Variants in RBM45 observed in about 807,000 individuals in gnomAD.
RBM45 encodes the protein RNA binding motif protein 45, also known as RNA-binding protein 45.
A neutral mutation model predicts 58.5 loss-of-function variants in RBM45; 39 were observed. The observed-to-expected ratio is 0.67, with a 90% confidence interval of 0.52 to 0.87. The LOEUF is 0.87. Among genes scored for constraint, RBM45 ranks in the 40% least tolerant of loss-of-function variants. The pLI is 0.00. For missense variants in RBM45, 481 were observed against 581.6 expected (o/e 0.83, Z 1.78); for synonymous variants, 193 against 203.0 (o/e 0.95, Z 0.42).
In RBM45 at chr2:178,138,915, A is replaced by G. The variant is rs1220831449; in HGVS notation, c.*2461A>G. ...AAATCCTTCTCTTTTGTAAAGAAAT[A>G]TTAAAATTCATTCTTTTTTTACTTT... On this transcript the variant is annotated 3_prime_UTR_variant, in exon 4 of 4. Transcript: ENST00000455903. The G allele has an allele frequency of 2.6e-5, 4 of 152,020 alleles. No homozygotes were observed. In the East Asian group the frequency reaches 7.7e-4, roughly 29 times the overall value. 9.4% of individuals were successfully genotyped at this position (152,020 alleles called of 1,614,324 possible). A position where few individuals can be genotyped will look rare whatever the true frequency, so the allele number is the denominator to read the frequency against.
intron 9 of RBM45, among the ~76,000 whole-genome samples, chr2:178,126,591 T>C (rs76932010): frequency 0.083 from 12,710 of 152,254 alleles, 655 homozygotes; most frequent in Middle Eastern, 0.12. Context: ...AACAGTCGTT[T>C]ATAAAGATAA....
At chr2:178,127,745 G>C (rs2087951807) in intron 9 of RBM45, among the ~76,000 whole-genome samples, 1 of 151,988 alleles carries the variant, frequency 6.6e-6, no homozygotes, top group Non-Finnish European at 1.5e-5. Context: ...CTATTCTCTA[G>C]CATGCAAAAA....
chr2:178,120,256 G>A (rs1185324536), intron 3 of RBM45, 31 bp from the exon 4 acceptor site: 2 of 1,611,140 alleles, frequency 1.2e-6, no homozygotes, highest in African/African-American at 1.3e-5. Context: ...TAAATTTGCT[G>A]TGAAACTTGA....
At chr2:178,134,205 T>C (rs1463803062), downstream of RBM45, among the ~76,000 whole-genome samples, 1 of 152,196 alleles carries the variant, frequency 6.6e-6, no homozygotes, top group Non-Finnish European at 1.5e-5. Flanking sequence ...AGAAACTGCC[T>C]GTCTGACCAA....
At chr2:178,117,102 T>C (rs1379174273) in intron 2 of RBM45, among the ~76,000 whole-genome samples, 1 of 152,174 alleles carries the variant, frequency 6.6e-6, no homozygotes, top group Non-Finnish European at 1.5e-5. Flanking sequence ...TAGTTTTTTA[T>C]CTTTTTTCTA....
chr2:178,134,970 G>A (rs1195212442), intron 3 of RBM45, among the ~76,000 whole-genome samples: 1 of 152,186 alleles, frequency 6.6e-6, no homozygotes, highest in Non-Finnish European at 1.5e-5. Context: ...TTTCGCCACT[G>A]CACTCCAGCC....
In RBM45 at chr2:178,129,487, T is replaced by A. The variant is rs1308164243; in HGVS notation, c.*99T>A. On this transcript the variant is annotated 3_prime_UTR_variant, in exon 10 of 10. Transcript: ENST00000286070. The stretch of plus-strand genomic sequence containing the variant: ...TGTGGACAGTTGACAGCTTTTTTTT[T>A]TTCCATATACCTGATAGTCTGTGTA... 1 of 152,640 alleles carries A rather than the reference T, an allele frequency of 6.6e-6. No individual in the cohort carries two copies. The highest frequency in any genetic ancestry group is 1.5e-5 in the Non-Finnish European group (1 of 68,026). The allele number at this position is 152,640 out of a possible 1,614,324, so 9.5% of individuals were successfully genotyped here. A position where few individuals can be genotyped will look rare whatever the true frequency, so the allele number is the denominator to read the frequency against.
chr2:178,120,011 C>T (rs1023371765), intron 3 of RBM45, among the ~76,000 whole-genome samples: 4 of 152,110 alleles, frequency 2.6e-5, no homozygotes, highest in East Asian at 1.9e-4. Context: ...GAATGAATGA[C>T]GATGTTATCT....
intron 1 of RBM45, 64 bp downstream of exon 1, chr2:178,112,910 C>T (rs2087724196): frequency 6.6e-7 from 1 of 1,510,126 alleles, no homozygotes; most frequent in Non-Finnish European, 9.0e-7. Flanking sequence ...CTCCCTTCAC[C>T]TGCTGCTCTG....
rs1336042405 is a variant in RBM45 at position 178,123,461 on chromosome 2, A to G, written c.854-61A>G. On this transcript the variant is annotated intron_variant, in intron 5 of 9. Coordinates refer to ENST00000286070, the MANE Select transcript of RBM45 (RefSeq NM_152945.4). Reference sequence around the variant, plus strand: ...GGTTTCATTTTTGTGATAGATTGTAACATAGGCCTTAGGCACTCAGTCTGC... The same window carrying G: ...GGTTTCATTTTTGTGATAGATTGTAGCATAGGCCTTAGGCACTCAGTCTGC... 5.4e-6 allele frequency: 8 copies of G among 1,493,360 alleles called. No homozygotes were observed. In the South Asian group the frequency reaches 9.9e-5, roughly 18 times the overall value. The allele number at this position is 1,493,360 out of a possible 1,614,324, so 92.5% of individuals were successfully genotyped here.
chr2:178,112,769 C>T lies in RBM45; in HGVS notation c.223C>T (p.Arg75Cys), dbSNP rs2087721135. 4 of 1,614,016 alleles carry T rather than the reference C, an allele frequency of 2.5e-6. No individual in the cohort carries two copies. Among genetic ancestry groups the T allele is most frequent in the Non-Finnish European group, 3.4e-6 (4 of 1,180,030 alleles). The part of the protein sequence containing the change: ...SKGIAFVKFA[R>C]SSQACRAMEE... Reference sequence around the variant, plus strand: ...GGGCATTGCTTTCGTCAAGTTCGCCCGCAGCTCACAGGCCTGCAGGGCCAT... The same window carrying T: ...GGGCATTGCTTTCGTCAAGTTCGCCTGCAGCTCACAGGCCTGCAGGGCCAT... Residue 75 changes from arginine to cysteine, a missense_variant, in exon 1 of 10, where the codon CGC becomes TGC. By Grantham distance (180) the Arg-to-Cys change is radical. Coordinates refer to ENST00000286070, the MANE Select transcript of RBM45 (RefSeq NM_152945.4).
intron 9 of RBM45, 118 bp downstream of exon 9, chr2:178,126,302 C>A: frequency 3.8e-6 from 2 of 523,358 alleles, no homozygotes; most frequent in Non-Finnish European, 6.2e-6. Context: ...GTTAAAAGAG[C>A]TTTGCAACTA....
chr2:178,113,936 G>A (rs1371208374), intron 1 of RBM45, among the ~76,000 whole-genome samples: 2 of 152,166 alleles, frequency 1.3e-5, no homozygotes, highest in African/African-American at 4.8e-5. Flanking sequence ...GTCTCTGGAG[G>A]TCTTGCTCCA....
Position 178,123,526 on chromosome 2 carries a change from T to C in RBM45, c.858T>C (p.His286=), listed in dbSNP as rs1294992535. ...TCTGTATGTTCTCTATTTTAGGTCA[T>C]GGAGTGGTTCAGTATTTTAATGTAG... ...VQRDPYSNYG[H]GVVQYFNVAS... The change falls in exon 6 of 10, where the codon CAT becomes CAC. Residue 286 remains histidine, a synonymous_variant. Transcript: ENST00000286070. 1.3e-6 allele frequency: 2 copies of C among 1,584,244 alleles called. No homozygotes were observed. The highest frequency in any genetic ancestry group is 1.2e-5 in the South Asian group (1 of 84,294).
chr2:178,124,259 T>C lies in RBM45; in HGVS notation c.1201T>C (p.Leu401=). Residue 401 remains leucine (L), a synonymous_variant, in exon 8 of 10, where the codon TTA becomes CTA. Coordinates refer to ENST00000286070, the MANE Select transcript of RBM45 (RefSeq NM_152945.4). ...TTTTATTGTGTTTAATCCTCATCCT[T>C]TACCTTTAGACGTATTAGAAGATAT... ...RLFIVFNPHP[L]PLDVLEDIFC... The C allele has an allele frequency of 6.3e-7, 1 of 1,588,414 alleles. No homozygotes were observed. Among genetic ancestry groups the C allele is most frequent in the Non-Finnish European group, 8.6e-7 (1 of 1,166,564 alleles).
At position 178,112,845 on chromosome 2, in the gene RBM45, A is replaced by G; in HGVS notation, c.299A>G (p.Lys100Arg). 2.5e-6 allele frequency: 4 copies of G among 1,601,208 alleles called. No homozygotes were observed. Among genetic ancestry groups the G allele is most frequent in the Non-Finnish European group, 3.4e-6 (4 of 1,169,644 alleles). Residue 100 changes from lysine to arginine, a missense_variant and splice_region_variant, in exon 1 of 10, where the codon AAG (lysine) becomes AGG (arginine). Lys to Arg is a conservative substitution (Grantham distance 26). Coordinates refer to ENST00000286070, the MANE Select transcript of RBM45 (RefSeq NM_152945.4). ...CLGPNDTKPI[K>R]VFIAQSRSSG... ...GGCCCCAACGACACCAAGCCCATCAAGGTGCGGGTGCCCGGGTCGGGGTGC... is the reference window on the plus strand; with the variant it reads ...GGCCCCAACGACACCAAGCCCATCAGGGTGCGGGTGCCCGGGTCGGGGTGC...
At chr2:178,124,347 T>C in intron 8 of RBM45, 57 bp downstream of exon 8, 1 of 1,149,518 alleles carries the variant, frequency 8.7e-7, no homozygotes, top group Non-Finnish European at 1.2e-6. Flanking sequence ...TAATTATTCT[T>C]ATAATCTAGA....
At chr2:178,138,287 G>T (rs1176733391) in exon 4 of RBM45, 1 of 151,996 alleles carries the variant, frequency 6.6e-6, no homozygotes, top group African/African-American at 2.4e-5. Flanking sequence ...AAGTTAGGAT[G>T]AACAAAAAGC....
chr2:178,136,695 C>T (rs1056560354), exon 4 of RBM45: 1 of 152,234 alleles, frequency 6.6e-6, no homozygotes, highest in Non-Finnish European at 1.5e-5. Flanking sequence ...TTTTCAGCTT[C>T]TTTGCCCTGA....
Sources: allele counts gnomAD v4.1 joint callset (sites outside exome capture counted in the v4.1 genomes callset), GRCh38; gene constraint gnomAD v4.1.1; transcripts MANE v1.5; gene names NCBI Gene and HGNC (gene_info 2026-07-23, HGNC 2026-07-21).